CBLB: variants seen among roughly 807,000 people sequenced by gnomAD.
The protein encoded by CBLB is Cbl proto-oncogene B, also known as E3 ubiquitin-protein ligase CBL-B.
Under a neutral mutation model 104.9 loss-of-function variants are expected in CBLB, and 31 were observed. The observed-to-expected ratio is 0.30, with a 90% CI of 0.22 to 0.40. The LOEUF (loss-of-function observed/expected upper bound fraction) is 0.40. CBLB is among the 10% of genes least tolerant of loss of function. The probability of loss-of-function intolerance (pLI) is 1.00; values close to 1 mark genes in which losing one functional copy is unlikely to be tolerated. For missense variants in CBLB, 1,062 were observed against 1,214.6 expected, an observed-to-expected ratio of 0.87 and a Z score of 1.87; for synonymous variants, 440 against 422.6, an observed-to-expected ratio of 1.04 and a Z score of -0.51.
At chr3:105,696,900 C>G (rs1047134263) in intron 12 of CBLB, among the ~76,000 whole-genome samples, 11 of 151,916 alleles carry the variant, frequency 7.2e-5, no homozygotes, top group African/African-American at 2.7e-4. Flanking sequence ...CTCCCACCTC[C>G]ATGCTATTTC....
At chr3:105,790,454 C>A (rs1045761274) in intron 3 of CBLB, among the ~76,000 whole-genome samples, 55 of 152,296 alleles carry the variant, frequency 3.6e-4, no homozygotes, top group African/African-American at 1.3e-3. Context: ...AAATTATAAT[C>A]AACATATATG....
At chr3:105,816,767 T>C in intron 3 of CBLB, among the ~76,000 whole-genome samples, 1 of 152,140 alleles carries the variant, frequency 6.6e-6, no homozygotes, top group Non-Finnish European at 1.5e-5. Flanking sequence ...AATCATCAAC[T>C]TTACTGAGCA....
chr3:105,706,175 C>T (rs2070105741), intron 10 of CBLB, among the ~76,000 whole-genome samples: 1 of 151,920 alleles, frequency 6.6e-6, no homozygotes, highest in Admixed American at 6.6e-5. Context: ...ATCTGAGTAG[C>T]TAAACAGAAG....
chr3:105,822,056 T>C (rs2085935063), intron 3 of CBLB, among the ~76,000 whole-genome samples: 1 of 152,180 alleles, frequency 6.6e-6, no homozygotes, highest in Non-Finnish European at 1.5e-5. Context: ...TATGGATGTA[T>C]AAGTTATTTA....
chr3:105,799,174 G>GAATAAAAAAAAAAA (rs1471114207), intron 3 of CBLB, among the ~76,000 whole-genome samples: 4 of 35,108 alleles, frequency 1.1e-4, no homozygotes, highest in Admixed American at 3.1e-4. Context: ...TAATGACAAA[G>GAATAAAAAAAAAAA]AACAAAAAAA....
chr3:105,681,402 T>C lies in CBLB; in HGVS notation c.2428+77A>G, dbSNP rs542578396. ...ACAACCCAGTGAGTCTGTGTTATAC[T>C]GAACTCTGAATTCTGAAAATTCTGA... is the stretch of plus-strand genomic sequence containing the variant. On this transcript the variant is annotated intron_variant, in intron 16 of 18. Transcript: ENST00000394030. The C allele has an allele frequency of 2.0e-6, 3 of 1,493,438 alleles. No homozygotes were observed. The East Asian group carries it at 6.8e-5, about 34-fold the overall frequency. The allele number at this position is 1,493,438 out of a possible 1,614,324, so 92.5% of individuals were successfully genotyped here. A position where few individuals can be genotyped will look rare whatever the true frequency, so the allele number is the denominator to read the frequency against.
intron 13 of CBLB, among the ~76,000 whole-genome samples, chr3:105,688,164 A>G (rs1381004717): frequency 1.3e-5 from 2 of 152,096 alleles, no homozygotes; most frequent in East Asian, 3.8e-4. Context: ...AGAGGAATAA[A>G]GCTGAACAAA....
rs1311016924 is a variant in CBLB at position 105,678,437 on chromosome 3, G to A, written c.2563C>T (p.Pro855Ser). 6 of 1,613,884 alleles carry A rather than the reference G, an allele frequency of 3.7e-6. No homozygotes were observed. Among genetic ancestry groups the A allele is most frequent in the Non-Finnish European group, 5.1e-6 (6 of 1,179,926 alleles). Residue 855 changes from proline (P) to serine (S), a missense_variant, in exon 17 of 19, where the codon CCT becomes TCT. Physicochemically the swap from Pro to Ser is moderately conservative, Grantham distance 74 (BLOSUM62 -1). Transcript: ENST00000394030. ...TTTGGCTTTTCCCTCCTACCTGAAG[G>A]AAGAAGAAAAAGATCCTGTCCTGAG... The part of the protein sequence containing the change: ...PSSGQDLFLL[P>S]SDPFVDLASG...
intron 18 of CBLB, among the ~76,000 whole-genome samples, chr3:105,666,112 T>C (rs534997309): frequency 6.6e-6 from 1 of 152,236 alleles, no homozygotes; most frequent in South Asian, 2.1e-4. Flanking sequence ...TAACGAATTT[T>C]AATTAGACAA....
intron 9 of CBLB, among the ~76,000 whole-genome samples, chr3:105,730,833 T>A (rs1341970624): frequency 1.3e-5 from 2 of 152,192 alleles, no homozygotes; most frequent in Non-Finnish European, 2.9e-5. Context: ...TTCTGAATAG[T>A]TTTGAATTTG....
intron 2 of CBLB, among the ~76,000 whole-genome samples, chr3:105,863,736 A>T (rs1336862261): frequency 6.6e-6 from 1 of 152,234 alleles, no homozygotes; most frequent in African/African-American, 2.4e-5. Context: ...GGAAAAGCCT[A>T]CTGGGCATCA....
At chr3:105,848,978 ACAGATTTTCATAGAT>A (rs992921689) in intron 3 of CBLB, among the ~76,000 whole-genome samples, 3 of 152,168 alleles carry the variant, frequency 2.0e-5, no homozygotes, top group African/African-American at 7.2e-5. Context: ...TTGGTAATGT[ACAGATTTTCATAGAT>A]CAATAGATCT....
intron 17 of CBLB, among the ~76,000 whole-genome samples, chr3:105,674,809 C>G (rs922910839): frequency 2.0e-5 from 3 of 152,122 alleles, no homozygotes; most frequent in African/African-American, 7.2e-5. Context: ...AAACTGAGGG[C>G]TCATGTACAG....
intron 4 of CBLB, among the ~76,000 whole-genome samples, chr3:105,759,023 C>G (rs1180927110): frequency 6.6e-6 from 1 of 152,218 alleles, no homozygotes. Context: ...ATTTGGCAGG[C>G]CCTGAGTTCT....
At chr3:105,714,516 C>T (rs527514365) in intron 10 of CBLB, among the ~76,000 whole-genome samples, 3 of 152,266 alleles carry the variant, frequency 2.0e-5, no homozygotes, top group Middle Eastern at 3.4e-3. Context: ...CTAATAAGCG[C>T]ACAACCTAGA....
At chr3:105,859,774 G>T (rs1317417243) in intron 2 of CBLB, among the ~76,000 whole-genome samples, 1 of 151,674 alleles carries the variant, frequency 6.6e-6, no homozygotes, top group African/African-American at 2.4e-5. Flanking sequence ...ATAATAACAG[G>T]TACCGAAGAG....
intron 3 of CBLB, among the ~76,000 whole-genome samples, chr3:105,834,408 G>C (rs2088099396): frequency 6.6e-6 from 1 of 152,170 alleles, no homozygotes; most frequent in African/African-American, 2.4e-5. Context: ...TGTAATCCCA[G>C]CACTTTGGGA....
intron 17 of CBLB, chr3:105,672,980 G>A (rs1032679766): frequency 2.0e-5 from 3 of 150,084 alleles, no homozygotes; most frequent in Admixed American, 6.6e-5. Flanking sequence ...TTACATACTC[G>A]TAGGCAAAAA....
intron 1 of CBLB, among the ~76,000 whole-genome samples, chr3:105,867,866 A>C (rs1383940760): frequency 6.8e-6 from 1 of 147,228 alleles, no homozygotes; most frequent in African/African-American, 2.5e-5. Flanking sequence ...GGCTGAACTA[A>C]TACTCAACTC....
Sources: gnomAD v4.1 joint callset for allele counts (sites outside exome capture counted in the v4.1 genomes callset) on GRCh38, gnomAD v4.1.1 for gene constraint, MANE v1.5 for transcripts, NCBI Gene and HGNC (gene_info 2026-07-23, HGNC 2026-07-21) for gene names.